The following PCDH17 variants were observed in gnomAD, a reference collection of about 807,000 sequenced individuals.
The protein encoded by PCDH17 is protocadherin-17.
PCDH17 carries 21 observed loss-of-function variants against 67.7 expected under a neutral mutation model. That is an observed-to-expected ratio of 0.31 (90% CI 0.22 to 0.45). The LOEUF is 0.45. PCDH17 is among the 20% of genes least tolerant of loss of function. The probability of loss-of-function intolerance (pLI) is 1.00; values close to 1 mark genes in which losing one functional copy is unlikely to be tolerated. For missense variants in PCDH17, 1,471 were observed against 1,564.8 expected (o/e 0.94, Z 1.01); for synonymous variants, 701 against 656.7 (o/e 1.07, Z -1.03).
rs1427123885 is a variant in PCDH17, at chr13:57,633,376, A to T, written c.830A>T (p.Glu277Val). 2 of 1,613,238 alleles carry T rather than the reference A, an allele frequency of 1.2e-6. No homozygotes were observed. The highest frequency in any genetic ancestry group is 1.7e-6 in the Non-Finnish European group (2 of 1,180,006). Residue 277 changes from glutamate to valine, a missense_variant, in exon 1 of 4, where the codon GAA becomes GTA. Glu to Val is a moderately radical substitution (Grantham distance 121). This residue lies in a region of PCDH17 where 1,163 missense variants were observed against 1,230.0 expected (regional missense o/e 0.95). Coordinates refer to ENST00000377918, the MANE Select transcript of PCDH17 (RefSeq NM_001040429.3). This position sits in a 1 kb window ranked among gnomAD's most constrained non-coding sequence, Gnocchi z 6.2. ...GACGCCGATGAAGGTCCCAATGGTG[A>T]AGTGCTCTACTCTTTCAGCAGCTAC... ...ATDADEGPNGEVLYSFSSYVP... is the reference protein window; with the variant it reads ...ATDADEGPNGVVLYSFSSYVP...
intron 3 of PCDH17, among the ~76,000 whole-genome samples, chr13:57,698,043 T>G (rs2138071284): frequency 6.6e-6 from 1 of 151,718 alleles, no homozygotes; most frequent in Admixed American, 6.6e-5. Flanking sequence ...ATAGTGAAAA[T>G]TCATGCCTTG....
chr13:57,636,440 CATA>C (rs1237954703), intron 1 of PCDH17, among the ~76,000 whole-genome samples: 3 of 152,126 alleles, frequency 2.0e-5, no homozygotes, highest in East Asian at 1.9e-4. Flanking sequence ...TTCTTTCTAA[CATA>C]ATAAGTATAC....
chr13:57,653,212 C>G (rs1426060635), intron 1 of PCDH17, among the ~76,000 whole-genome samples: 6 of 152,030 alleles, frequency 3.9e-5, no homozygotes, highest in Admixed American at 3.9e-4. Context: ...AGAACTGGCT[C>G]TGATTATTAT....
upstream of PCDH17, among the ~76,000 whole-genome samples, chr13:57,631,513 G>T (rs1246421539): frequency 1.3e-5 from 2 of 152,206 alleles, no homozygotes; most frequent in Admixed American, 1.3e-4. Context: ...GCGGGGAGAG[G>T]ATGGGATGGT....
In PCDH17 at chr13:57,682,130, G is replaced by A. The variant is rs765474150; in HGVS notation, c.2797+15297G>A. Among the ~76,000 whole-genome samples, 80 of 151,418 alleles carry A rather than the reference G, an allele frequency of 5.3e-4. 1 individual carries two copies. The highest frequency in any genetic ancestry group is 5.5e-4 in the Non-Finnish European group (37 of 67,748). On this transcript the variant is annotated intron_variant, in intron 3 of 3. Transcript: ENST00000377918. Reference sequence around the variant, plus strand: ...AAACCTGCCAGCATTTTATCTTCACGTCTATCCCAAGCCCTCCCCAGCCAT... The same window carrying A: ...AAACCTGCCAGCATTTTATCTTCACATCTATCCCAAGCCCTCCCCAGCCAT...
chr13:57,639,887 A>C (rs1028369477), intron 1 of PCDH17, among the ~76,000 whole-genome samples: 1 of 151,990 alleles, frequency 6.6e-6, no homozygotes, highest in African/African-American at 2.4e-5. Context: ...GAAAATTTAC[A>C]TTACCACCTT....
chr13:57,706,237 A>T (rs908886838), intron 3 of PCDH17, among the ~76,000 whole-genome samples: 2 of 152,150 alleles, frequency 1.3e-5, no homozygotes, highest in Non-Finnish European at 2.9e-5. Flanking sequence ...TGTCAATTGA[A>T]TCTTACAGTC....
chr13:57,725,293 G>GAAA lies in PCDH17; in HGVS notation c.*3_*5dup, dbSNP rs763735010. The GAAA allele has an allele frequency of 5.4e-6, 8 of 1,476,746 alleles. No individual in the cohort carries two copies. The highest frequency in any genetic ancestry group is 4.6e-5 in the Admixed American group (2 of 43,540). 91.5% of individuals were successfully genotyped at this position (1,476,746 alleles called of 1,614,324 possible). On this transcript the variant is annotated inframe_insertion and stop_retained_variant, in exon 4 of 4. Coordinates refer to ENST00000377918, the MANE Select transcript of PCDH17 (RefSeq NM_001040429.3). Reference sequence around the variant, plus strand: ...AACGACCCTGTGGCTGTGAGAAAGTGAAAAAAGAAAAAAAAAAAGGCATTG... The same window carrying GAAA: ...AACGACCCTGTGGCTGTGAGAAAGTGAAAAAAAAAGAAAAAAAAAAAGGCATTG...
intron 1 of PCDH17, among the ~76,000 whole-genome samples, chr13:57,640,789 C>A (rs1954881586): frequency 6.6e-6 from 1 of 152,140 alleles, no homozygotes; most frequent in South Asian, 2.1e-4. Context: ...GAAGAAGAAG[C>A]CACTATAACT....
chr13:57,659,317 AT>A (rs1192937243), intron 1 of PCDH17, among the ~76,000 whole-genome samples: 2 of 151,880 alleles, frequency 1.3e-5, no homozygotes, highest in East Asian at 1.9e-4. Context: ...TAGTGTTCTG[AT>A]TTTTTTCTTA....
At chr13:57,720,036 A>G (rs1189004708) in intron 3 of PCDH17, among the ~76,000 whole-genome samples, 1 of 152,056 alleles carries the variant, frequency 6.6e-6, no homozygotes, top group Non-Finnish European at 1.5e-5. Flanking sequence ...AAACCCAACA[A>G]TTTAAAAGCA....
chr13:57,698,193 A>C (rs1426510062), intron 3 of PCDH17, among the ~76,000 whole-genome samples: 2 of 151,518 alleles, frequency 1.3e-5, no homozygotes, highest in African/African-American at 4.8e-5. Flanking sequence ...TATATACATA[A>C]ATATGAAGAT....
chr13:57,714,424 G>T (rs1441089688), intron 3 of PCDH17, among the ~76,000 whole-genome samples: 1 of 151,636 alleles, frequency 6.6e-6, no homozygotes, highest in Non-Finnish European at 1.5e-5. Flanking sequence ...TTACCACTTT[G>T]CTAGGAGGAT....
At chr13:57,671,813 A>C (rs1411988113) in intron 3 of PCDH17, among the ~76,000 whole-genome samples, 1 of 152,042 alleles carries the variant, frequency 6.6e-6, no homozygotes, top group Non-Finnish European at 1.5e-5. Flanking sequence ...ATTCTGTTGC[A>C]ACCTGTGCCA....
chr13:57,636,448 G>T (rs777876395), intron 1 of PCDH17, among the ~76,000 whole-genome samples: 1 of 152,060 alleles, frequency 6.6e-6, no homozygotes, highest in Non-Finnish European at 1.5e-5. Context: ...AACATAATAA[G>T]TATACCAAAT....
intron 3 of PCDH17, among the ~76,000 whole-genome samples, chr13:57,718,239 C>A (rs1251498402): frequency 6.6e-6 from 1 of 151,754 alleles, no homozygotes; most frequent in Admixed American, 6.6e-5. Context: ...ATAAAATAAG[C>A]TTATTAAAAA....
intron 3 of PCDH17, among the ~76,000 whole-genome samples, chr13:57,721,629 C>T (rs1955872671): frequency 6.6e-6 from 1 of 152,006 alleles, no homozygotes; most frequent in Admixed American, 6.6e-5. Flanking sequence ...ACTGTGAATA[C>T]ACCCCTTTTT....
intron 3 of PCDH17, among the ~76,000 whole-genome samples, chr13:57,701,994 T>C (rs773747872): frequency 1.3e-5 from 2 of 152,046 alleles, no homozygotes; most frequent in African/African-American, 4.8e-5. Flanking sequence ...CTCGGCTCAC[T>C]GCAACCTCTG....
At chr13:57,630,958 C>T (rs1045626424), upstream of PCDH17, among the ~76,000 whole-genome samples, 4 of 152,138 alleles carry the variant, frequency 2.6e-5, no homozygotes, top group Non-Finnish European at 5.9e-5. Context: ...TGTCTAACAT[C>T]CCCTCGGAGG....
Sources: gnomAD v4.1 joint callset for allele counts (sites outside exome capture counted in the v4.1 genomes callset) on GRCh38, gnomAD v4.1.1 for gene constraint, gnomAD v4.1.1 regional missense constraint, Gnocchi (gnomAD v3.1) non-coding constraint, MANE v1.5 for transcripts, NCBI Gene and HGNC (gene_info 2026-07-23, HGNC 2026-07-21) for gene names.